The following FUT9 variants were observed in gnomAD, a reference collection of about 807,000 sequenced individuals.
FUT9 encodes fucosyltransferase 9, also known as 4-galactosyl-N-acetylglucosaminide 3-alpha-L-fucosyltransferase 9.
A neutral mutation model predicts 29.7 loss-of-function variants in FUT9; 15 were observed. The ratio of observed to expected loss-of-function variants is 0.51; its 90% confidence interval spans 0.34 to 0.78. FUT9 has a LOEUF of 0.78. FUT9 is among the 30% of genes least tolerant of loss of function. The pLI is 0.01. For missense variants in FUT9, 319 were observed against 425.4 expected, an observed-to-expected ratio of 0.75 and a Z score of 2.20; for synonymous variants, 169 against 153.7, an observed-to-expected ratio of 1.10 and a Z score of -0.74.
chr6:96,025,685 A>C (rs1402614847), intron 1 of FUT9, among the ~76,000 whole-genome samples: 1 of 151,646 alleles, frequency 6.6e-6, no homozygotes, highest in East Asian at 1.9e-4. Flanking sequence ...ATTAACTTGG[A>C]ATATTTAATA....
intron 1 of FUT9, among the ~76,000 whole-genome samples, chr6:96,043,025 A>G (rs1770491572): frequency 6.6e-6 from 1 of 152,212 alleles, no homozygotes; most frequent in Non-Finnish European, 1.5e-5. Context: ...GGTGAGTATT[A>G]CATAAATTTA....
chr6:96,151,673 C>G (rs955486792), intron 2 of FUT9, among the ~76,000 whole-genome samples: 1 of 152,130 alleles, frequency 6.6e-6, no homozygotes, highest in Non-Finnish European at 1.5e-5. Context: ...AAGCTGTGAG[C>G]TGAGTTTTGT....
chr6:96,198,289 C>T (rs1196487371), intron 2 of FUT9, among the ~76,000 whole-genome samples: 2 of 149,326 alleles, frequency 1.3e-5, no homozygotes, highest in African/African-American at 2.5e-5. Flanking sequence ...CACAACAGTC[C>T]CCAGAGTGTG....
chr6:96,023,700 T>C (rs1407301497), intron 1 of FUT9, among the ~76,000 whole-genome samples: 1 of 151,964 alleles, frequency 6.6e-6, no homozygotes, highest in Non-Finnish European at 1.5e-5. Context: ...GATTAACAAC[T>C]TGATTCAGTT....
intron 1 of FUT9, among the ~76,000 whole-genome samples, chr6:96,041,614 G>A (rs1184889055): frequency 2.0e-5 from 3 of 152,108 alleles, no homozygotes; most frequent in African/African-American, 4.8e-5. Flanking sequence ...GACTTGTGAG[G>A]TGATACATTT....
At chr6:96,058,656 C>T (rs2493356) in intron 1 of FUT9, among the ~76,000 whole-genome samples, 109,649 of 151,880 alleles carry the variant, frequency 0.72, 40,453 homozygotes, top group African/African-American at 0.89. Context: ...AAATGTTTAA[C>T]GCAGCGGGAC....
At chr6:96,152,747 A>AT (rs1475765096) in intron 2 of FUT9, among the ~76,000 whole-genome samples, 3 of 152,174 alleles carry the variant, frequency 2.0e-5, no homozygotes, top group Non-Finnish European at 4.4e-5. Context: ...TTGCCTACGA[A>AT]TATTCTGCCA....
chr6:96,033,415 C>T (rs2127927748), intron 1 of FUT9, among the ~76,000 whole-genome samples: 1 of 151,532 alleles, frequency 6.6e-6, no homozygotes, highest in Admixed American at 6.6e-5. Flanking sequence ...GACAGAGCCA[C>T]CATTAAAATG....
intron 1 of FUT9, among the ~76,000 whole-genome samples, chr6:96,100,990 T>C (rs765532411): frequency 1.3e-5 from 2 of 152,240 alleles, no homozygotes; most frequent in Non-Finnish European, 2.9e-5. Flanking sequence ...TCAAGATTTC[T>C]ACTTAGTACA....
At chr6:96,071,243 T>TGCA (rs201040572) in intron 1 of FUT9, among the ~76,000 whole-genome samples, 1,743 of 152,308 alleles carry the variant, frequency 0.011, 15 homozygotes, top group Non-Finnish European at 0.019. Context: ...GGTGCTGTTC[T>TGCA]GCAGCAGCAG....
chr6:96,146,186 G>A (rs1037068149), intron 2 of FUT9, among the ~76,000 whole-genome samples: 3 of 152,166 alleles, frequency 2.0e-5, no homozygotes, highest in African/African-American at 7.2e-5. Flanking sequence ...GCACTGAACA[G>A]AAGAGACATG....
chr6:96,168,326 A>T (rs1272532038), intron 2 of FUT9, among the ~76,000 whole-genome samples: 1 of 152,144 alleles, frequency 6.6e-6, no homozygotes, highest in Non-Finnish European at 1.5e-5. Context: ...TGTGGAACAA[A>T]ATTGGGTGTG....
chr6:96,133,547 A>G (rs1772290916), intron 2 of FUT9, among the ~76,000 whole-genome samples: 1 of 151,900 alleles, frequency 6.6e-6, no homozygotes, highest in African/African-American at 2.4e-5. Flanking sequence ...ATTTAACCAC[A>G]CTAGGTTCCA....
At chr6:96,191,619 C>A (rs1244514079) in intron 2 of FUT9, among the ~76,000 whole-genome samples, 1 of 152,118 alleles carries the variant, frequency 6.6e-6, no homozygotes, top group Non-Finnish European at 1.5e-5. Context: ...AGTCCAGGAC[C>A]AGAAGGCTTC....
rs1250553244 is a variant in FUT9 at position 96,204,747 on chromosome 6, T to A, written c.*512T>A. On this transcript the variant is annotated 3_prime_UTR_variant, in exon 3 of 3. Coordinates refer to ENST00000302103, the MANE Select transcript of FUT9 (RefSeq NM_006581.4). ...TATAACTGTCTCTATTTGATCTATTTTTTTTACCTGTTTATCACATTTGTG... is the reference window on the plus strand; with the variant it reads ...TATAACTGTCTCTATTTGATCTATTATTTTTACCTGTTTATCACATTTGTG... 1 of 166,882 alleles carries A rather than the reference T, an allele frequency of 6.0e-6. No homozygotes were observed. Among genetic ancestry groups the A allele is most frequent in the Non-Finnish European group, 1.5e-5 (1 of 68,106 alleles). The allele number at this position is 166,882 out of a possible 1,614,324, so 10.3% of individuals were successfully genotyped here.
At chr6:96,023,413 CT>C (rs1770108655) in intron 1 of FUT9, among the ~76,000 whole-genome samples, 1 of 151,936 alleles carries the variant, frequency 6.6e-6, no homozygotes, top group African/African-American at 2.4e-5. Context: ...AGGACATCAT[CT>C]GTATAGTGAA....
rs552800143 is a variant in FUT9 at position 96,196,820 on chromosome 6, G to A, written c.-8-6328G>A. Among the ~76,000 whole-genome samples, 191 of 152,298 alleles carry A rather than the reference G, an allele frequency of 1.3e-3. 1 individual carries two copies. In the Middle Eastern group the frequency reaches 0.034, roughly 27 times the overall value. On this transcript the variant is annotated intron_variant, in intron 2 of 2. Transcript: ENST00000302103. ...ATTCCTTCCTTCTGGTAAGAGGCAA[G>A]ATCTTCTCTGGAATGCAGGTCTTAT... is the stretch of plus-strand genomic sequence containing the variant.
intron 1 of FUT9, among the ~76,000 whole-genome samples, chr6:96,107,984 C>CTT (rs753293696): frequency 0.14 from 20,374 of 140,684 alleles, 1,608 homozygotes; most frequent in Non-Finnish European, 0.17. Context: ...CTCATGGCCA[C>CTT]TTTTTTTTTT....
chr6:96,095,631 T>G (rs1168473922), intron 1 of FUT9, among the ~76,000 whole-genome samples: 1 of 152,196 alleles, frequency 6.6e-6, no homozygotes, highest in African/African-American at 2.4e-5. Context: ...ACTGGCAATT[T>G]TTTTTATGGT....
Sources: gnomAD v4.1 joint callset for allele counts (sites outside exome capture counted in the v4.1 genomes callset) on GRCh38, gnomAD v4.1.1 for gene constraint, MANE v1.5 for transcripts, NCBI Gene and HGNC (gene_info 2026-07-23, HGNC 2026-07-21) for gene names.